SPAG7: variants seen among roughly 807,000 people sequenced by gnomAD.
The protein encoded by SPAG7 is sperm-associated antigen 7.
Under a neutral mutation model 30.6 loss-of-function variants are expected in SPAG7, and 20 were observed. That is an observed-to-expected ratio of 0.65 (90% CI 0.46 to 0.95). SPAG7 has a LOEUF of 0.95. Among genes scored for constraint, SPAG7 ranks in the 40% least tolerant of loss-of-function variants. SPAG7 has a pLI of 0.00. For missense variants in SPAG7, 276 were observed against 291.1 expected (o/e 0.95, Z 0.38); for synonymous variants, 127 against 104.2 (o/e 1.22, Z -1.33).
intron 3 of SPAG7, 48 bp from the exon 4 acceptor site, chr17:4,960,366 G>A (rs1368291623): frequency 6.2e-7 from 1 of 1,605,342 alleles, no homozygotes; most frequent in African/African-American, 1.3e-5. Context: ...CCAGGAGCGG[G>A]CCTAGTGCCC....
chr17:4,960,203 G>C (rs1356566564), intron 4 of SPAG7, 31 bp downstream of exon 4: 1 of 1,606,794 alleles, frequency 6.2e-7, no homozygotes, highest in Non-Finnish European at 8.5e-7. Flanking sequence ...ACAAAGGGGA[G>C]AGGAGAGAAT....
At position 4,960,082 on chromosome 17, in the gene SPAG7, G is replaced by A. The variant is rs751671727; in HGVS notation, c.357C>T (p.Asp119=). The A allele has an allele frequency of 1.7e-5, 28 of 1,614,036 alleles. No homozygotes were observed. Among genetic ancestry groups the A allele is most frequent in the East Asian group, 2.2e-5 (1 of 44,900 alleles). The change falls in exon 5 of 7, where the codon GAC becomes GAT. Residue 119 remains aspartate, a synonymous_variant. Coordinates refer to ENST00000206020, the MANE Select transcript of SPAG7 (RefSeq NM_004890.3). ...KEFAPSDEEL[D]SYRRGEEWDP... is the part of the protein sequence containing the mutation. ...CCCATTCCTCTCCACGACGGTAAGA[G>A]TCTAGCTCTTCATCTGAGGGTGCAA... is the stretch of plus-strand genomic sequence containing the variant.
chr17:4,959,567 C>CCGCAGA lies in SPAG7; in HGVS notation c.645_650dup (p.Leu216_Arg217dup), dbSNP rs1322829150. On this transcript the variant is annotated inframe_insertion, in exon 7 of 7. Transcript: ENST00000206020. ...TTGGCGGCAACTCTTCCCCACTCTG[C>CCGCAGA]CGCAGACGCTTCTTGGCTCTGATCT... The CCGCAGA allele has an allele frequency of 2.5e-6, 4 of 1,613,924 alleles. No individual in the cohort carries two copies. The highest frequency in any genetic ancestry group is 2.2e-5 in the East Asian group (1 of 44,884).
chr17:4,961,034 G>A (rs1156498246), intron 1 of SPAG7, among the ~76,000 whole-genome samples, 181 bp from the exon 2 acceptor site: 1 of 152,094 alleles, frequency 6.6e-6, no homozygotes, highest in Non-Finnish European at 1.5e-5. Context: ...TTATCCACAG[G>A]GGTTCATTCC....
Position 4,959,873 on chromosome 17 carries a change from G to A in SPAG7, c.461C>T (p.Pro154Leu). 6.2e-7 allele frequency: 1 copy of A among 1,613,826 alleles called. No homozygotes were observed. The highest frequency in any genetic ancestry group is 8.5e-7 in the Non-Finnish European group (1 of 1,180,024). ...GTCGCTGGCAGGGCTCACCACCACA[G>A]GCCCCTGCTGGGCTGCCTCCTCCTC... ...RQEEEAAQQG[P>L]VVVSPASDYK... The change falls in exon 6 of 7, where the codon CCT becomes CTT. Residue 154 changes from proline to leucine, a missense_variant. Transcript: ENST00000206020.
intron 1 of SPAG7, 77 bp downstream of exon 1, chr17:4,967,643 C>T (rs1023774112): frequency 1.8e-6 from 2 of 1,119,584 alleles, no homozygotes; most frequent in Non-Finnish European, 1.4e-6. Flanking sequence ...GTTGAGGAGG[C>T]GGCATCGTCC....
chr17:4,960,926 G>T, intron 1 of SPAG7, 73 bp from the exon 2 acceptor site: 1 of 1,324,304 alleles, frequency 7.6e-7, no homozygotes, highest in Non-Finnish European at 1.1e-6. Context: ...GGCTTCAAGT[G>T]AAGTGTGGTG....
At chr17:4,966,430 A>G in intron 1 of SPAG7, 1 of 300,672 alleles carries the variant, frequency 3.3e-6, no homozygotes, top group Non-Finnish European at 4.9e-6. Flanking sequence ...CAGGCGAGTG[A>G]CTCATTTAAG....
At position 4,964,357 on chromosome 17, in the gene SPAG7, C is replaced by CTT. The variant is rs1169648266; in HGVS notation, c.85+3361_85+3362dup. Among the ~76,000 whole-genome samples, 635 of 110,014 alleles carry CTT rather than the reference C, an allele frequency of 5.8e-3. 4 individuals are homozygous for CTT. The highest frequency in any genetic ancestry group is 6.5e-3 in the East Asian group (24 of 3,716). The allele number at this position is 110,014 out of a possible 152,430, so 72.2% of individuals were successfully genotyped here. On this transcript the variant is annotated intron_variant, in intron 1 of 6. Transcript: ENST00000206020. ...TTTTGCCATTTCAAATCCTTTACAT[C>CTT]TTTTTTTTTTTTTTTTTTTTTTGAG...
At chr17:4,967,266 G>C (rs1597716451) in intron 1 of SPAG7, 1 of 997,750 alleles carries the variant, frequency 1.0e-6, no homozygotes, top group African/African-American at 1.7e-5. Context: ...TTCGCAGGCT[G>C]GGGTGGTTTC....
At chr17:4,960,384 G>C (rs1971841829) in intron 3 of SPAG7, 66 bp from the exon 4 acceptor site, 5 of 1,600,608 alleles carry the variant, frequency 3.1e-6, no homozygotes, top group Non-Finnish European at 4.3e-6. Flanking sequence ...CCCTCCTCTG[G>C]AGGAGCCCCC....
chr17:4,967,453 G>A (rs2089371444), intron 1 of SPAG7, among the ~76,000 whole-genome samples: 2 of 152,356 alleles, frequency 1.3e-5, no homozygotes, highest in African/African-American at 4.8e-5. Context: ...GCAGCGGACA[G>A]GCGGGACGGC....
rs1971834991 is a variant in SPAG7, at chr17:4,960,017, C to T, written c.417+5G>A. 1.2e-6 allele frequency: 2 copies of T among 1,613,998 alleles called. No individual in the cohort carries two copies. Among genetic ancestry groups the T allele is most frequent in the Admixed American group, 1.7e-5 (1 of 60,010 alleles). ...GGACCCCAAGGGCTGCAAAGCATAGCTCACCTTCAGCTTCCGCTTCTCCTC... is the reference window on the plus strand; with the variant it reads ...GGACCCCAAGGGCTGCAAAGCATAGTTCACCTTCAGCTTCCGCTTCTCCTC... On this transcript the variant is annotated splice_donor_5th_base_variant and intron_variant, in intron 5 of 6. Transcript: ENST00000206020.
chr17:4,959,929 G>T lies in SPAG7; in HGVS notation c.418-13C>A, dbSNP rs1276973683. 10 of 1,612,950 alleles carry T rather than the reference G, an allele frequency of 6.2e-6. No homozygotes were observed. Among genetic ancestry groups the T allele is most frequent in the Non-Finnish European group, 8.5e-6 (10 of 1,179,900 alleles). Reference sequence around the variant, plus strand: ...TCTGGGCCAGCTCCTAGGGGTGAAAGTGGGGGCACTGGTGCTCAGGGCCCC... The same window carrying T: ...TCTGGGCCAGCTCCTAGGGGTGAAATTGGGGGCACTGGTGCTCAGGGCCCC... On this transcript the variant is annotated splice_polypyrimidine_tract_variant and intron_variant, in intron 5 of 6. Coordinates refer to ENST00000206020, the MANE Select transcript of SPAG7 (RefSeq NM_004890.3).
Position 4,959,587 on chromosome 17 carries a change from T to C in SPAG7, c.631A>G (p.Arg211Gly). Residue 211 changes from arginine to glycine, a missense_variant, in exon 7 of 7, where the codon AGA (arginine) becomes GGA (glycine). Arg to Gly is a moderately radical substitution (Grantham distance 125, BLOSUM62 -2). Coordinates refer to ENST00000206020, the MANE Select transcript of SPAG7 (RefSeq NM_004890.3). ...CTCTGCCGCAGACGCTTCTTGGCTC[T>C]GATCTCATTCATAGCCTCTTCAATG... ...RSIEEAMNEI[R>G]AKKRLRQSGE... 6.2e-7 allele frequency: 1 copy of C among 1,614,110 alleles called. No homozygotes were observed. The highest frequency in any genetic ancestry group is 8.5e-7 in the Non-Finnish European group (1 of 1,179,954).
In SPAG7 at chr17:4,959,342, C is replaced by CAG; in HGVS notation, c.*191_*192insCT. 1.7e-6 allele frequency: 1 copy of CAG among 601,918 alleles called. No individual in the cohort carries two copies. Among genetic ancestry groups the CAG allele is most frequent in the Non-Finnish European group, 3.0e-6 (1 of 337,260 alleles). 37.3% of individuals were successfully genotyped at this position (601,918 alleles called of 1,614,324 possible). A position where few individuals can be genotyped will look rare whatever the true frequency, so the allele number is the denominator to read the frequency against. On this transcript the variant is annotated 3_prime_UTR_variant, in exon 7 of 7. Transcript: ENST00000206020. ...ACCTGTGCATTCACACTCTCACACA[C>CAG]ACACACACATGCCACGCACATATCC...
At chr17:4,964,895 C>T (rs1971924356) in intron 1 of SPAG7, among the ~76,000 whole-genome samples, 2 of 151,944 alleles carry the variant, frequency 1.3e-5, no homozygotes, top group African/African-American at 4.8e-5. Flanking sequence ...ACCACCACAC[C>T]CGGCTAATTT....
At chr17:4,967,239 C>T in intron 1 of SPAG7, 2 of 997,930 alleles carry the variant, frequency 2.0e-6, no homozygotes, top group South Asian at 8.1e-5. Flanking sequence ...CACAGAGGAC[C>T]CTGCAACCAA....
chr17:4,961,309 T>C (rs1305883453), intron 1 of SPAG7, among the ~76,000 whole-genome samples: 2 of 151,234 alleles, frequency 1.3e-5, no homozygotes, highest in Admixed American at 6.6e-5. Flanking sequence ...ATACAAAAAT[T>C]AGCCGGGTGT....
Sources: gnomAD v4.1 joint callset for allele counts (sites outside exome capture counted in the v4.1 genomes callset) on GRCh38, gnomAD v4.1.1 for gene constraint, MANE v1.5 for transcripts, NCBI Gene and HGNC (gene_info 2026-07-23, HGNC 2026-07-21) for gene names.